Variants in SPSB4 observed in about 807,000 individuals in gnomAD.
SPSB4 encodes SPRY domain-containing SOCS box protein 4.
Under a neutral mutation model 20.9 loss-of-function variants are expected in SPSB4, and 21 were observed. The ratio of observed to expected loss-of-function variants is 1.01; its 90% CI spans 0.71 to 1.45. The LOEUF (loss-of-function observed/expected upper bound fraction) is 1.45. SPSB4 is among the 40% of genes most tolerant of loss of function. SPSB4 has a pLI of 0.00. For missense variants in SPSB4, 399 were observed against 399.2 expected (o/e 1.00, Z 0.00); for synonymous variants, 207 against 183.8 (o/e 1.13, Z -1.02).
chr3:141,120,145 T>C (rs1938943633), intron 2 of SPSB4, among the ~76,000 whole-genome samples: 1 of 152,246 alleles, frequency 6.6e-6, no homozygotes, highest in African/African-American at 2.4e-5. Context: ...AAAGAACTTA[T>C]TTATTTCTGC....
chr3:141,065,267 G>C (rs1937841599), intron 1 of SPSB4, among the ~76,000 whole-genome samples: 1 of 152,150 alleles, frequency 6.6e-6, no homozygotes, highest in Non-Finnish European at 1.5e-5. Flanking sequence ...TTCCCATGGA[G>C]CTCTCACCCC....
chr3:141,083,688 C>T (rs555708075), intron 2 of SPSB4, among the ~76,000 whole-genome samples: 2 of 152,158 alleles, frequency 1.3e-5, no homozygotes, highest in African/African-American at 4.8e-5. Context: ...CTGGAGGCTC[C>T]GAGCAATGCC....
At chr3:141,147,033 T>C in intron 2 of SPSB4, 109 bp from the exon 3 acceptor site, 1 of 1,490,010 alleles carries the variant, frequency 6.7e-7, no homozygotes, top group African/African-American at 1.4e-5. Context: ...CCATTGACCC[T>C]GAAGGCCAGC....
chr3:141,088,213 A>G (rs1454281774), intron 2 of SPSB4, among the ~76,000 whole-genome samples: 1 of 152,176 alleles, frequency 6.6e-6, no homozygotes, highest in Non-Finnish European at 1.5e-5. Context: ...CTTCAAGGGA[A>G]GTTGTTGCCA....
At chr3:141,122,364 T>C (rs1938981836) in intron 2 of SPSB4, among the ~76,000 whole-genome samples, 1 of 152,182 alleles carries the variant, frequency 6.6e-6, no homozygotes, top group South Asian at 2.1e-4. Flanking sequence ...CCAGTCAGGC[T>C]ACACAGGGGT....
At chr3:141,059,338 A>C (rs1256251502) in intron 1 of SPSB4, among the ~76,000 whole-genome samples, 3 of 152,170 alleles carry the variant, frequency 2.0e-5, no homozygotes, top group African/African-American at 7.2e-5. Context: ...AGTAATTTAT[A>C]ATGAAAAGAA....
intron 2 of SPSB4, among the ~76,000 whole-genome samples, chr3:141,106,186 G>A (rs373032720): frequency 6.6e-6 from 1 of 152,172 alleles, no homozygotes; most frequent in Non-Finnish European, 1.5e-5. Flanking sequence ...TGGAGACTCC[G>A]TTTTAACTTG....
intron 2 of SPSB4, among the ~76,000 whole-genome samples, chr3:141,098,894 G>T (rs916383221): frequency 1.3e-5 from 2 of 152,146 alleles, no homozygotes; most frequent in Non-Finnish European, 2.9e-5. Context: ...TCTGGAGGTT[G>T]GGAAGTCCAA....
chr3:141,113,672 G>A lies in SPSB4; in HGVS notation c.695-33470G>A, dbSNP rs547282644. On this transcript the variant is annotated intron_variant, in intron 2 of 2. Transcript: ENST00000310546. ...GGTTTCCAGGGTCTGGGGAATGGAG[G>A]ATGGGACATGACTGCTTAATGGGCA... Among the ~76,000 whole-genome samples, 3 of 152,314 alleles carry A rather than the reference G, an allele frequency of 2.0e-5. No individual in the cohort carries two copies. The East Asian group carries it at 5.8e-4, about 29-fold the overall frequency.
chr3:141,138,705 T>C (rs996251689), intron 2 of SPSB4, among the ~76,000 whole-genome samples: 11 of 152,222 alleles, frequency 7.2e-5, no homozygotes, highest in African/African-American at 2.7e-4. Flanking sequence ...AGAGACAGTT[T>C]GTTATAATTT....
intron 2 of SPSB4, among the ~76,000 whole-genome samples, chr3:141,127,519 C>T (rs1035606116): frequency 6.6e-6 from 1 of 152,256 alleles, no homozygotes; most frequent in Admixed American, 6.5e-5. Context: ...CAAGGCTCCT[C>T]TAACATTTAT....
chr3:141,069,738 G>A (rs1458074708), intron 2 of SPSB4, among the ~76,000 whole-genome samples: 3 of 152,248 alleles, frequency 2.0e-5, no homozygotes, highest in East Asian at 1.9e-4. Context: ...AAAGCTCACC[G>A]GCACAGAGCA....
intron 2 of SPSB4, among the ~76,000 whole-genome samples, chr3:141,114,182 A>G (rs1386314392): frequency 6.6e-6 from 1 of 152,240 alleles, no homozygotes; most frequent in Non-Finnish European, 1.5e-5. Flanking sequence ...TGCCACCAGA[A>G]TTCAGTCAAC....
intron 1 of SPSB4, among the ~76,000 whole-genome samples, chr3:141,064,629 G>T (rs1166274626): frequency 6.6e-6 from 1 of 152,174 alleles, no homozygotes; most frequent in Non-Finnish European, 1.5e-5. Context: ...CCACTGTCTG[G>T]GTGGGAGGTT....
At chr3:141,145,316 G>A (rs1939396605) in intron 2 of SPSB4, among the ~76,000 whole-genome samples, 1 of 151,890 alleles carries the variant, frequency 6.6e-6, no homozygotes, top group Admixed American at 6.6e-5. Flanking sequence ...CTGGCCTCAA[G>A]TGAAGGAGAG....
At chr3:141,082,913 G>A (rs986507235) in intron 2 of SPSB4, among the ~76,000 whole-genome samples, 9 of 147,300 alleles carry the variant, frequency 6.1e-5, no homozygotes, top group African/African-American at 2.3e-4. Flanking sequence ...AACGCTCTAC[G>A]CCATCCCTGC....
At chr3:141,089,503 C>A (rs1457538574) in intron 2 of SPSB4, among the ~76,000 whole-genome samples, 1 of 152,082 alleles carries the variant, frequency 6.6e-6, no homozygotes, top group African/African-American at 2.4e-5. Context: ...GAAGGAGGGG[C>A]CTAGCAGGAA....
At chr3:141,098,536 T>G (rs1938575521) in intron 2 of SPSB4, among the ~76,000 whole-genome samples, 1 of 152,216 alleles carries the variant, frequency 6.6e-6, no homozygotes, top group South Asian at 2.1e-4. Context: ...AAAATTGTTT[T>G]TATTATGAAA....
At chr3:141,102,631 C>T (rs567081424) in intron 2 of SPSB4, among the ~76,000 whole-genome samples, 1 of 152,158 alleles carries the variant, frequency 6.6e-6, no homozygotes, top group Admixed American at 6.5e-5. Context: ...TGGCAGGTGA[C>T]ATGCAGGGAG....
Sources: gnomAD v4.1 joint callset for allele counts (sites outside exome capture counted in the v4.1 genomes callset) on GRCh38, gnomAD v4.1.1 for gene constraint, MANE v1.5 for transcripts, NCBI Gene and HGNC (gene_info 2026-07-23, HGNC 2026-07-21) for gene names.